Variants in ASIC2 observed in about 807,000 individuals in gnomAD.
ASIC2 encodes the protein acid-sensing ion channel 2.
ASIC2 carries 25 observed loss-of-function variants against 57.3 expected under a neutral mutation model. That is an observed-to-expected ratio of 0.44 (90% CI 0.32 to 0.61). The LOEUF is 0.61. Among genes scored for constraint, ASIC2 ranks in the 20% least tolerant of loss-of-function variants. The pLI is 0.06. For missense variants in ASIC2, 641 were observed against 738.1 expected, an observed-to-expected ratio of 0.87 and a Z score of 1.52; for synonymous variants, 319 against 307.5, an observed-to-expected ratio of 1.04 and a Z score of -0.39.
chr17:33,156,606 A>C (rs1370380015), intron 1 of ASIC2, among the ~76,000 whole-genome samples: 1 of 151,808 alleles, frequency 6.6e-6, no homozygotes, highest in Non-Finnish European at 1.5e-5. Flanking sequence ...AAATACAAAA[A>C]TTAGCCAGGT....
intron 1 of ASIC2, among the ~76,000 whole-genome samples, chr17:34,048,517 T>C (rs2142051385): frequency 6.6e-6 from 1 of 152,314 alleles, no homozygotes; most frequent in Middle Eastern, 3.4e-3. Flanking sequence ...CTGCCTATCA[T>C]CTCCCAAACC....
At chr17:33,926,320 T>G (rs12943350) in intron 1 of ASIC2, among the ~76,000 whole-genome samples, 46,353 of 152,088 alleles carry the variant, frequency 0.3, 7,734 homozygotes, top group Admixed American at 0.39. Context: ...TCCAAAATGC[T>G]TGGGACCAGA....
At chr17:33,144,241 C>G (rs1904454303) in intron 1 of ASIC2, among the ~76,000 whole-genome samples, 1 of 151,866 alleles carries the variant, frequency 6.6e-6, no homozygotes, top group African/African-American at 2.4e-5. Flanking sequence ...ATGGAATGTA[C>G]AGTAATATCA....
chr17:33,787,806 G>T (rs1231652876), intron 1 of ASIC2, among the ~76,000 whole-genome samples: 3 of 152,208 alleles, frequency 2.0e-5, no homozygotes. Context: ...GTAATCCTCA[G>T]TGTTGGAGGT....
chr17:33,248,953 C>A (rs1908789035), intron 1 of ASIC2, among the ~76,000 whole-genome samples: 1 of 152,188 alleles, frequency 6.6e-6, no homozygotes, highest in Non-Finnish European at 1.5e-5. Flanking sequence ...GACCCAGCCT[C>A]CTACAGGAGA....
At chr17:33,644,260 G>A (rs988634090) in intron 1 of ASIC2, among the ~76,000 whole-genome samples, 9 of 152,182 alleles carry the variant, frequency 5.9e-5, no homozygotes, top group African/African-American at 1.7e-4. Context: ...ATGGTGATGC[G>A]TTTTTCCTGC....
chr17:33,506,398 G>T (rs1413742116), intron 1 of ASIC2, among the ~76,000 whole-genome samples: 1 of 148,900 alleles, frequency 6.7e-6, no homozygotes, highest in Non-Finnish European at 1.5e-5. Context: ...GGGTGACAAA[G>T]CAGGACTCCG....
In ASIC2 at chr17:33,559,140, T is replaced by C. The variant is rs192083517; in HGVS notation, c.556-447073A>G. ...GTTAACAAGGCCTCTACACTCTGAC[T>C]GAGCAAGAACTCCAGTATCTTCTAG... On this transcript the variant is annotated intron_variant, in intron 1 of 9. Coordinates refer to the ASIC2 transcript ENST00000359872. Among the ~76,000 whole-genome samples the C allele has an allele frequency of 4.0e-4, 61 of 152,296 alleles. 1 individual carries two copies. Among genetic ancestry groups the C allele is most frequent in the African/African-American group, 1.3e-3 (53 of 41,566 alleles).
chr17:33,831,333 A>G (rs9889447), intron 1 of ASIC2, among the ~76,000 whole-genome samples: 122,961 of 151,742 alleles, frequency 0.81, 50,185 homozygotes, highest in African/African-American at 0.85. Flanking sequence ...TTGTGAAAAC[A>G]CTGCCTAATG....
chr17:33,359,027 C>T (rs945182796), intron 1 of ASIC2, among the ~76,000 whole-genome samples: 1 of 152,176 alleles, frequency 6.6e-6, no homozygotes, highest in Non-Finnish European at 1.5e-5. Flanking sequence ...CTTTGCCCCC[C>T]CTTTCTCTTC....
chr17:33,552,046 A>C (rs909168550), intron 1 of ASIC2, among the ~76,000 whole-genome samples: 1 of 152,174 alleles, frequency 6.6e-6, no homozygotes, highest in East Asian at 1.9e-4. Flanking sequence ...GGCTCACAGC[A>C]TGGAACACAT....
chr17:33,276,518 C>T (rs984543579), intron 1 of ASIC2, among the ~76,000 whole-genome samples: 5 of 152,220 alleles, frequency 3.3e-5, no homozygotes, highest in African/African-American at 4.8e-5. Flanking sequence ...AAGCCAGAGG[C>T]TCTCCTTGGA....
At chr17:33,780,189 T>C (rs1911409243) in intron 1 of ASIC2, among the ~76,000 whole-genome samples, 1 of 152,050 alleles carries the variant, frequency 6.6e-6, no homozygotes, top group South Asian at 2.1e-4. Flanking sequence ...CAGGCTGGTC[T>C]TGAACTCCTG....
At chr17:34,056,571 T>C (rs965789278) in intron 1 of ASIC2, among the ~76,000 whole-genome samples, 1 of 152,262 alleles carries the variant, frequency 6.6e-6, no homozygotes, top group East Asian at 1.9e-4. Flanking sequence ...TTTCTATGCC[T>C]GAGAAAATAG....
intron 1 of ASIC2, among the ~76,000 whole-genome samples, chr17:34,117,305 A>C (rs1911456232): frequency 6.6e-6 from 1 of 152,250 alleles, no homozygotes; most frequent in African/African-American, 2.4e-5. Flanking sequence ...ACCCACATGT[A>C]TAAGTGAGTA....
intron 1 of ASIC2, among the ~76,000 whole-genome samples, chr17:33,222,856 A>T (rs2142099084): frequency 6.6e-6 from 1 of 152,284 alleles, no homozygotes; most frequent in African/African-American, 2.4e-5. Flanking sequence ...CATTCCTACA[A>T]CAAACTTTTC....
At chr17:33,484,748 C>T (rs1410825580) in intron 1 of ASIC2, among the ~76,000 whole-genome samples, 2 of 152,184 alleles carry the variant, frequency 1.3e-5, no homozygotes, top group Non-Finnish European at 2.9e-5. Context: ...AGCAGCTTTC[C>T]ACAAGAAATG....
At chr17:33,902,679 T>C (rs547519488) in intron 1 of ASIC2, among the ~76,000 whole-genome samples, 2 of 152,264 alleles carry the variant, frequency 1.3e-5, no homozygotes, top group Admixed American at 6.5e-5. Context: ...TGCAAGACAG[T>C]CAACATCTGG....
At chr17:33,786,642 A>C (rs1911608392) in intron 1 of ASIC2, among the ~76,000 whole-genome samples, 1 of 152,156 alleles carries the variant, frequency 6.6e-6, no homozygotes, top group Admixed American at 6.5e-5. Context: ...CAGTCAAAGG[A>C]AATCTTCATT....
Sources: gnomAD v4.1 joint callset for allele counts (sites outside exome capture counted in the v4.1 genomes callset) on GRCh38, gnomAD v4.1.1 for gene constraint, MANE v1.5 for transcripts, NCBI Gene and HGNC (gene_info 2026-07-23, HGNC 2026-07-21) for gene names.